Variants in TAOK3 observed in about 807,000 individuals in gnomAD.
The protein encoded by TAOK3 is serine/threonine-protein kinase TAO3.
TAOK3 carries 40 observed loss-of-function variants against 120.4 expected under a neutral mutation model. The observed-to-expected ratio is 0.33, with a 90% CI of 0.26 to 0.43. The LOEUF is 0.43. Among genes scored for constraint, TAOK3 ranks in the 20% least tolerant of loss-of-function variants. The pLI is 1.00. For missense variants in TAOK3, 821 were observed against 1,112.1 expected (o/e 0.74, Z 3.72); for synonymous variants, 355 against 387.5 (o/e 0.92, Z 0.99).
At chr12:118,173,059 G>A (rs2036103665) in intron 16 of TAOK3, among the ~76,000 whole-genome samples, 1 of 152,182 alleles carries the variant, frequency 6.6e-6, no homozygotes, top group African/African-American at 2.4e-5. Flanking sequence ...AAAAATTACT[G>A]TGATCACTGC....
chr12:118,341,825 A>C (rs1284772560), intron 1 of TAOK3, among the ~76,000 whole-genome samples: 1 of 152,164 alleles, frequency 6.6e-6, no homozygotes, highest in Non-Finnish European at 1.5e-5. Flanking sequence ...GGAGTTGGAG[A>C]GCAGCCTGGG....
intron 17 of TAOK3, among the ~76,000 whole-genome samples, chr12:118,169,164 C>A (rs2035823398): frequency 6.6e-6 from 1 of 152,104 alleles, no homozygotes; most frequent in South Asian, 2.1e-4. Context: ...CAGGCACCCA[C>A]CACCACACTT....
intron 11 of TAOK3, among the ~76,000 whole-genome samples, chr12:118,205,118 C>T (rs374533859): frequency 2.0e-5 from 3 of 151,454 alleles, no homozygotes; most frequent in Non-Finnish European, 2.9e-5. Flanking sequence ...TGAAGTGAGC[C>T]GAGATCATGC....
At chr12:118,355,015 T>C (rs1284602931) in intron 1 of TAOK3, among the ~76,000 whole-genome samples, 1 of 152,050 alleles carries the variant, frequency 6.6e-6, no homozygotes, top group Non-Finnish European at 1.5e-5. Context: ...TGGTGAGCTA[T>C]GATCGCACCA....
intron 1 of TAOK3, among the ~76,000 whole-genome samples, chr12:118,273,008 A>G (rs905286188): frequency 1.3e-5 from 2 of 152,052 alleles, no homozygotes; most frequent in South Asian, 2.1e-4. Flanking sequence ...CTGATTTTCC[A>G]TTACAGAAAT....
chr12:118,230,129 A>C (rs1046439402), intron 9 of TAOK3, among the ~76,000 whole-genome samples: 4 of 152,174 alleles, frequency 2.6e-5, no homozygotes, highest in African/African-American at 9.7e-5. Context: ...GCATTTAACC[A>C]ATCTAAAATT....
intron 17 of TAOK3, among the ~76,000 whole-genome samples, chr12:118,167,621 C>T (rs76433505): frequency 0.02 from 3,075 of 150,476 alleles, 108 homozygotes; most frequent in African/African-American, 0.07. Context: ...ACATCTGTTA[C>T]TTTTTGTAAG....
chr12:118,314,865 A>G (rs771789292), intron 1 of TAOK3, among the ~76,000 whole-genome samples: 4 of 152,136 alleles, frequency 2.6e-5, no homozygotes, highest in Non-Finnish European at 5.9e-5. Flanking sequence ...TATCTAGTGA[A>G]GTTGAAGATG....
At chr12:118,363,237 G>T (rs2045653866) in intron 1 of TAOK3, among the ~76,000 whole-genome samples, 1 of 151,940 alleles carries the variant, frequency 6.6e-6, no homozygotes, top group African/African-American at 2.4e-5. Context: ...AACTGTCAGG[G>T]TCACAAGTGA....
At chr12:118,317,976 G>A (rs2043540160) in intron 1 of TAOK3, among the ~76,000 whole-genome samples, 1 of 151,968 alleles carries the variant, frequency 6.6e-6, no homozygotes, top group Non-Finnish European at 1.5e-5. Context: ...CATATCTACA[G>A]CAAATTGATT....
chr12:118,366,333 C>G (rs1192910529), intron 1 of TAOK3, among the ~76,000 whole-genome samples: 1 of 152,064 alleles, frequency 6.6e-6, no homozygotes, highest in African/African-American at 2.4e-5. Context: ...TTTAGTATGT[C>G]TGCTGCCAAG....
chr12:118,350,818 C>T (rs1277675787), intron 1 of TAOK3, among the ~76,000 whole-genome samples: 1 of 146,726 alleles, frequency 6.8e-6, no homozygotes, highest in Non-Finnish European at 1.5e-5. Context: ...TGAGGTCGTG[C>T]CATTGTACTC....
chr12:118,275,172 T>G (rs1482143444), intron 1 of TAOK3, among the ~76,000 whole-genome samples: 1 of 152,194 alleles, frequency 6.6e-6, no homozygotes, highest in Non-Finnish European at 1.5e-5. Flanking sequence ...ATTATATTAC[T>G]CTGTCTCCCA....
intron 1 of TAOK3, among the ~76,000 whole-genome samples, chr12:118,368,206 T>C (rs1283638967): frequency 2.0e-5 from 3 of 152,142 alleles, no homozygotes; most frequent in Non-Finnish European, 4.4e-5. Context: ...GTTATTATTA[T>C]TATTTTTTGA....
chr12:118,308,065 G>A (rs2140806001), intron 1 of TAOK3, among the ~76,000 whole-genome samples: 1 of 152,064 alleles, frequency 6.6e-6, no homozygotes, highest in African/African-American at 2.4e-5. Flanking sequence ...GGGATAGGAG[G>A]TAGGCACAAG....
chr12:118,159,026 A>T (rs1178388688), intron 19 of TAOK3, among the ~76,000 whole-genome samples: 1 of 152,114 alleles, frequency 6.6e-6, no homozygotes, highest in East Asian at 1.9e-4. Context: ...GCTTCACCGA[A>T]TTACCAGGCA....
At chr12:118,320,829 TATA>T (rs1229780732) in intron 1 of TAOK3, among the ~76,000 whole-genome samples, 62 of 152,206 alleles carry the variant, frequency 4.1e-4, no homozygotes, top group Non-Finnish European at 6.3e-4. Context: ...CACTGCTATT[TATA>T]ATGATAATTA....
intron 13 of TAOK3, among the ~76,000 whole-genome samples, chr12:118,193,401 T>G (rs1396603279): frequency 6.6e-6 from 1 of 152,188 alleles, no homozygotes. Flanking sequence ...AAAAGGAAGC[T>G]GTCATAATGT....
chr12:118,347,912 G>C (rs748504468), intron 1 of TAOK3, among the ~76,000 whole-genome samples: 3 of 152,138 alleles, frequency 2.0e-5, no homozygotes, highest in Non-Finnish European at 4.4e-5. Context: ...ACTATTGATA[G>C]AGTAATCTTT....
Sources: allele counts gnomAD v4.1 joint callset (sites outside exome capture counted in the v4.1 genomes callset), GRCh38; gene constraint gnomAD v4.1.1; transcripts MANE v1.5; gene names NCBI Gene and HGNC (gene_info 2026-07-23, HGNC 2026-07-21).